Variants in MAP4K4 observed in about 807,000 individuals in gnomAD.
MAP4K4 encodes HPK/GCK-like kinase HGK.
A neutral mutation model predicts 189.6 loss-of-function variants in MAP4K4; 38 were observed. The ratio of observed to expected loss-of-function variants is 0.20; its 90% CI spans 0.15 to 0.26. The LOEUF is 0.26. MAP4K4 is among the 10% of genes least tolerant of loss of function. The pLI is 1.00. For missense variants in MAP4K4, 1,054 were observed against 1,726.9 expected (o/e 0.61, Z 6.91); for synonymous variants, 610 against 624.3 (o/e 0.98, Z 0.34).
chr2:101,770,291 C>T (rs1001811722), intron 2 of MAP4K4, among the ~76,000 whole-genome samples: 31 of 138,280 alleles, frequency 2.2e-4, no homozygotes, highest in African/African-American at 5.4e-4. Flanking sequence ...TCTTGTCGCC[C>T]GGGCTGGAGT....
At chr2:101,847,711 A>G (rs2097152952) in intron 12 of MAP4K4, among the ~76,000 whole-genome samples, 1 of 152,266 alleles carries the variant, frequency 6.6e-6, no homozygotes, top group African/African-American at 2.4e-5. Context: ...AGAAAAAATT[A>G]CATTAAGATT....
At chr2:101,888,890 C>T in exon 32 of MAP4K4, 1 of 1,613,404 alleles carries the variant, frequency 6.2e-7, no homozygotes, top group African/African-American at 1.3e-5. Context: ...TGTTCATGCA[C>T]AAAAGGGCTC....
At chr2:101,748,073 C>T (rs1242373031) in intron 2 of MAP4K4, among the ~76,000 whole-genome samples, 2 of 152,150 alleles carry the variant, frequency 1.3e-5, no homozygotes, top group African/African-American at 4.8e-5. Context: ...TTTTCTATAT[C>T]CTCTTATTCA....
At chr2:101,882,088 T>TA (rs1038952996) in intron 27 of MAP4K4, among the ~76,000 whole-genome samples, 4 of 152,240 alleles carry the variant, frequency 2.6e-5, no homozygotes, top group African/African-American at 9.6e-5. Flanking sequence ...GTGCCAAACT[T>TA]ACAAAAACAG....
In MAP4K4 at chr2:101,833,359, G is replaced by A. The variant is rs1410833017; in HGVS notation, c.640-1050G>A. 3.3e-5 allele frequency among the ~76,000 whole-genome samples: 5 copies of A among 152,186 alleles called. 1 individual carries two copies. The South Asian group carries it at 1.0e-3, about 32-fold the overall frequency. ...CTGATGGCCGGGCATGGTGGCTCAC[G>A]CCTGTAATCCCAGCACTTTGGGAGG... On this transcript the variant is annotated intron_variant, in intron 7 of 32. Coordinates refer to ENST00000324219, the Ensembl canonical transcript of MAP4K4.
chr2:101,698,422 CA>C, intron 1 of MAP4K4, 50 bp from the exon 2 acceptor site: 1 of 1,471,736 alleles, frequency 6.8e-7, no homozygotes, highest in Non-Finnish European at 9.5e-7. Context: ...TTGATTTATT[CA>C]TTTTTTTGGC....
At chr2:101,866,625 G>A (rs2097824384) in intron 19 of MAP4K4, 46 bp downstream of exon 19, 1 of 1,591,554 alleles carries the variant, frequency 6.3e-7, no homozygotes, top group Admixed American at 1.7e-5. Context: ...GTTTTGAGCT[G>A]TGATCCATAT....
intron 32 of MAP4K4, among the ~76,000 whole-genome samples, chr2:101,890,658 T>C (rs560012056): frequency 3.5e-4 from 53 of 151,724 alleles, no homozygotes; most frequent in Non-Finnish European, 7.2e-4. Flanking sequence ...GGTTTCACTA[T>C]CTTGGCCAGG....
chr2:101,703,617 C>CAAA (rs58122658), intron 2 of MAP4K4, among the ~76,000 whole-genome samples: 17 of 38,954 alleles, frequency 4.4e-4, no homozygotes, highest in Non-Finnish European at 6.6e-4. Flanking sequence ...GACTCTGTCT[C>CAAA]AAAAAAAAAA....
At chr2:101,711,335 A>G (rs2045437112) in intron 2 of MAP4K4, among the ~76,000 whole-genome samples, 1 of 152,096 alleles carries the variant, frequency 6.6e-6, no homozygotes, top group South Asian at 2.1e-4. Flanking sequence ...CAGAGCTGCA[A>G]CCTCTGCCTC....
chr2:101,816,985 T>C (rs1239789867), intron 3 of MAP4K4, among the ~76,000 whole-genome samples: 5 of 150,382 alleles, frequency 3.3e-5, no homozygotes, highest in African/African-American at 1.2e-4. Flanking sequence ...GGCCAAACTT[T>C]TCTATCCTAA....
In MAP4K4 at chr2:101,713,949, C is replaced by G. The variant is rs569040424; in HGVS notation, c.123+15411C>G. ...TGATCCTACCAAAAATAACAAATAC[C>G]TAGGGGGTTTTTCATTTCATTTACA... On this transcript the variant is annotated intron_variant, in intron 2 of 32. Coordinates refer to ENST00000324219, the Ensembl canonical transcript of MAP4K4. 9.9e-5 allele frequency among the ~76,000 whole-genome samples: 15 copies of G among 152,154 alleles called. No homozygotes were observed. In the East Asian group the frequency reaches 2.7e-3, roughly 27 times the overall value.
intron 5 of MAP4K4, among the ~76,000 whole-genome samples, chr2:101,826,501 A>G (rs963627076): frequency 6.6e-6 from 1 of 152,186 alleles, no homozygotes; most frequent in Non-Finnish European, 1.5e-5. Flanking sequence ...ATCTTTTATG[A>G]CTATTATAGA....
chr2:101,805,251 C>T (rs1289620485), intron 3 of MAP4K4, among the ~76,000 whole-genome samples: 1 of 152,032 alleles, frequency 6.6e-6, no homozygotes, highest in South Asian at 2.1e-4. Flanking sequence ...CAGGAGTGCC[C>T]TGATATGCCT....
chr2:101,716,984 T>A (rs986404167), intron 2 of MAP4K4, among the ~76,000 whole-genome samples: 8 of 152,236 alleles, frequency 5.3e-5, no homozygotes, highest in African/African-American at 1.9e-4. Flanking sequence ...TATGTACATT[T>A]AATATCTTCA....
At chr2:101,806,158 T>A (rs2094908554) in intron 3 of MAP4K4, among the ~76,000 whole-genome samples, 1 of 152,160 alleles carries the variant, frequency 6.6e-6, no homozygotes, top group South Asian at 2.1e-4. Context: ...GAAGGATGTT[T>A]TAAAAACAAG....
chr2:101,876,936 T>C, intron 26 of MAP4K4, 67 bp from the exon 27 acceptor site: 1 of 1,532,356 alleles, frequency 6.5e-7, no homozygotes, highest in Non-Finnish European at 8.9e-7. Context: ...ATGTTATCCT[T>C]TCTATACAAC....
At chr2:101,871,093 T>C (rs972370035) in intron 23 of MAP4K4, among the ~76,000 whole-genome samples, 1 of 152,180 alleles carries the variant, frequency 6.6e-6, no homozygotes, top group Non-Finnish European at 1.5e-5. Flanking sequence ...CTAAGTGTGT[T>C]TCATGCTATG....
At chr2:101,856,222 A>G in intron 13 of MAP4K4, 84 bp downstream of exon 13, 2 of 1,322,060 alleles carry the variant, frequency 1.5e-6, no homozygotes, top group Non-Finnish European at 2.1e-6. Context: ...AAGTATACAC[A>G]CATGTGATGC....
Sources: allele counts gnomAD v4.1 joint callset (sites outside exome capture counted in the v4.1 genomes callset), GRCh38; gene constraint gnomAD v4.1.1; transcripts MANE v1.5; gene names NCBI Gene and HGNC (gene_info 2026-07-23, HGNC 2026-07-21).